Variants in LARGE1 observed in about 807,000 individuals in gnomAD.
LARGE1 encodes the protein LARGE xylosyl- and glucuronyltransferase 1, also known as xylosyl- and glucuronyltransferase LARGE1.
In LARGE1, 43 loss-of-function variants were observed where a neutral mutation model predicts 87.6. That is an observed-to-expected ratio of 0.49 (90% CI 0.38 to 0.63). The LOEUF (loss-of-function observed/expected upper bound fraction) is 0.63, where lower values mean the gene tolerates loss of function less well. LARGE1 is among the 30% of genes least tolerant of loss of function. The pLI, the probability that LARGE1 is intolerant of heterozygous loss-of-function variation, is 0.00. For missense variants in LARGE1, 802 were observed against 1,000.2 expected (o/e 0.80, Z 2.67); for synonymous variants, 434 against 394.6 (o/e 1.10, Z -1.18).
intron 6 of LARGE1, among the ~76,000 whole-genome samples, chr22:33,548,187 T>C (rs1297856771): frequency 1.3e-5 from 2 of 152,188 alleles, no homozygotes; most frequent in South Asian, 2.1e-4. Flanking sequence ...ATTCTGGTGA[T>C]AGAGTTCTCA....
At chr22:33,430,576 A>G (rs2067043585) in intron 7 of LARGE1, among the ~76,000 whole-genome samples, 2 of 152,088 alleles carry the variant, frequency 1.3e-5, no homozygotes. Flanking sequence ...TTTGCCTGGT[A>G]GGCATTACAG....
At chr22:33,500,079 A>C (rs1375213758) in intron 6 of LARGE1, among the ~76,000 whole-genome samples, 1 of 152,170 alleles carries the variant, frequency 6.6e-6, no homozygotes, top group Non-Finnish European at 1.5e-5. Flanking sequence ...CTGGACTAAA[A>C]TATGTAATTT....
In LARGE1 at chr22:33,338,009, C is replaced by T. The variant is rs2285106; in HGVS notation, c.1132-208G>A. Among the ~76,000 whole-genome samples the T allele has an allele frequency of 0.29, 43,469 of 152,082 alleles. 6,623 individuals carry two copies. The highest frequency in any genetic ancestry group is 0.38 in the South Asian group (1,845 of 4,822). ...AACCCTGCCTCTGCTCTAGGTAGTC[C>T]TTTAATCTCACACAAGTGACTGAAT... is the stretch of plus-strand genomic sequence containing the variant. On this transcript the variant is annotated intron_variant, in intron 9 of 14. Coordinates refer to ENST00000397394, the MANE Select transcript of LARGE1 (RefSeq NM_133642.5).
intron 6 of LARGE1, among the ~76,000 whole-genome samples, chr22:33,492,618 A>G (rs927765974): frequency 2.0e-5 from 3 of 152,216 alleles, no homozygotes; most frequent in Non-Finnish European, 4.4e-5. Context: ...GGAGCTTTGC[A>G]AATTCTTTCA....
chr22:33,331,332 G>T (rs551386955), intron 10 of LARGE1, among the ~76,000 whole-genome samples: 72 of 151,864 alleles, frequency 4.7e-4, no homozygotes, highest in African/African-American at 1.7e-3. Context: ...ATTTCCCAGT[G>T]AAAAAGTTAA....
intron 11 of LARGE1, among the ~76,000 whole-genome samples, chr22:33,219,489 T>G (rs1445569746): frequency 2.0e-5 from 3 of 152,244 alleles, no homozygotes; most frequent in African/African-American, 7.2e-5. Context: ...AACTTTTCTA[T>G]GAATGATATT....
At chr22:33,261,763 GA>G (rs1927638187) in intron 11 of LARGE1, among the ~76,000 whole-genome samples, 1 of 152,186 alleles carries the variant, frequency 6.6e-6, no homozygotes, top group South Asian at 2.1e-4. Flanking sequence ...AATGAGTTTA[GA>G]AAATAATGCT....
intron 6 of LARGE1, among the ~76,000 whole-genome samples, chr22:33,521,428 C>A (rs1225393395): frequency 6.6e-6 from 1 of 152,230 alleles, no homozygotes; most frequent in Admixed American, 6.5e-5. Context: ...CATGGGCTCT[C>A]ATCCTCCAAC....
At chr22:33,446,166 G>A (rs2147868301) in intron 6 of LARGE1, among the ~76,000 whole-genome samples, 1 of 152,322 alleles carries the variant, frequency 6.6e-6, no homozygotes, top group Non-Finnish European at 1.5e-5. Flanking sequence ...AAATGATAGG[G>A]CTCAGAGAGC....
At chr22:33,850,505 G>C (rs1269283110) in intron 1 of LARGE1, among the ~76,000 whole-genome samples, 1 of 152,096 alleles carries the variant, frequency 6.6e-6, no homozygotes, top group African/African-American at 2.4e-5. Flanking sequence ...AAGTACTAAA[G>C]GAAGCAACAC....
chr22:33,475,845 T>C (rs547499607), intron 6 of LARGE1, among the ~76,000 whole-genome samples: 16 of 152,326 alleles, frequency 1.1e-4, no homozygotes, highest in Admixed American at 5.2e-4. Flanking sequence ...CCATGTCTGC[T>C]GCCCAAACAC....
rs572468064 is a variant in LARGE1, at chr22:33,361,074, G to A, written c.1131+20845C>T. ...TACTAAAAATACAAAAATTACAGGC[G>A]TGCACCACCATGCCTGTAATCCCAG... On this transcript the variant is annotated intron_variant, in intron 9 of 14. Coordinates refer to ENST00000397394, the MANE Select transcript of LARGE1 (RefSeq NM_133642.5). 2.3e-4 allele frequency among the ~76,000 whole-genome samples: 34 copies of A among 149,146 alleles called. 3 individuals carry two copies. Among genetic ancestry groups the A allele is most frequent in the Admixed American group, 9.9e-4 (15 of 15,088 alleles).
chr22:33,619,022 C>T (rs1048702747), intron 4 of LARGE1, among the ~76,000 whole-genome samples: 10 of 152,180 alleles, frequency 6.6e-5, no homozygotes, highest in African/African-American at 2.4e-4. Context: ...ATATTGGGAA[C>T]TCTCCTGCCT....
At chr22:33,409,183 AT>A in intron 7 of LARGE1, among the ~76,000 whole-genome samples, 1 of 152,128 alleles carries the variant, frequency 6.6e-6, no homozygotes, top group African/African-American at 2.4e-5. Context: ...CTGTGGTGAA[AT>A]GTCAAATATG....
chr22:33,686,033 A>G (rs1045683446), intron 2 of LARGE1, among the ~76,000 whole-genome samples: 49 of 152,314 alleles, frequency 3.2e-4, no homozygotes, highest in African/African-American at 1.0e-3. Context: ...TTATCGACTC[A>G]TCTATCTATA....
At chr22:33,078,090 A>G in the LARGE1 span, among the ~76,000 whole-genome samples, 1 of 152,000 alleles carries the variant, frequency 6.6e-6, no homozygotes, top group African/African-American at 2.4e-5. Flanking sequence ...GGTGTAATCA[A>G]TTTTCTCCGG....
At chr22:33,482,903 A>G (rs2069391687) in intron 6 of LARGE1, among the ~76,000 whole-genome samples, 1 of 152,174 alleles carries the variant, frequency 6.6e-6, no homozygotes, top group South Asian at 2.1e-4. Flanking sequence ...AGGCAGCTCC[A>G]GGAAGGTGGG....
intron 6 of LARGE1, among the ~76,000 whole-genome samples, chr22:33,451,038 C>T (rs8139998): frequency 0.28 from 43,232 of 152,062 alleles, 7,033 homozygotes; most frequent in African/African-American, 0.44. Context: ...TGATCTCCCT[C>T]TTGCCACTGC....
chr22:33,486,457 C>T (rs2069578292), intron 6 of LARGE1, among the ~76,000 whole-genome samples: 1 of 152,116 alleles, frequency 6.6e-6, no homozygotes, highest in Non-Finnish European at 1.5e-5. Flanking sequence ...AGAGCATCAA[C>T]ATCAAGCATG....
Sources: gnomAD v4.1 joint callset for allele counts (sites outside exome capture counted in the v4.1 genomes callset) on GRCh38, gnomAD v4.1.1 for gene constraint, MANE v1.5 for transcripts, NCBI Gene and HGNC (gene_info 2026-07-23, HGNC 2026-07-21) for gene names.